AUTS2: variants seen among roughly 807,000 people sequenced by gnomAD.
The protein encoded by AUTS2 is autism susceptibility gene 2 protein.
In AUTS2, 17 loss-of-function variants were observed where a neutral mutation model predicts 112.4. The ratio of observed to expected loss-of-function variants is 0.15; its 90% CI spans 0.10 to 0.23. AUTS2 has a LOEUF of 0.23. Among genes scored for constraint, AUTS2 ranks in the 10% least tolerant of loss-of-function variants. The pLI is 1.00. For synonymous variants in AUTS2, 751 were observed against 702.7 expected, an observed-to-expected ratio of 1.07 and a Z score of -1.09; for missense variants, 1,510 against 1,701.6, an observed-to-expected ratio of 0.89 and a Z score of 1.98.
intron 1 of AUTS2, among the ~76,000 whole-genome samples, chr7:69,723,896 A>G (rs1423717011): frequency 6.6e-6 from 1 of 152,204 alleles, no homozygotes; most frequent in South Asian, 2.1e-4. Context: ...TGCAACAGAA[A>G]GTCAAGCCAA....
chr7:70,400,795 T>C (rs553169557), intron 4 of AUTS2, among the ~76,000 whole-genome samples: 1 of 152,266 alleles, frequency 6.6e-6, no homozygotes, highest in South Asian at 2.1e-4. Flanking sequence ...AAAAAATACA[T>C]ATACCTTGGG....
At chr7:70,449,652 A>T (rs577124486) in intron 5 of AUTS2, among the ~76,000 whole-genome samples, 4 of 152,334 alleles carry the variant, frequency 2.6e-5, no homozygotes, top group Non-Finnish European at 5.9e-5. Flanking sequence ...CAAAGTTGAC[A>T]CTTTATAGTG....
chr7:69,850,939 A>G (rs1435131621), intron 1 of AUTS2, among the ~76,000 whole-genome samples: 2 of 152,204 alleles, frequency 1.3e-5, no homozygotes, highest in South Asian at 4.1e-4. Flanking sequence ...ATAGGTCCTG[A>G]AGATTGGCTC....
intron 4 of AUTS2, among the ~76,000 whole-genome samples, chr7:70,226,299 TGCCTCA>T (rs1434192202): frequency 6.6e-6 from 1 of 151,850 alleles, no homozygotes; most frequent in African/African-American, 2.4e-5. Context: ...GCCATTCTCT[TGCCTCA>T]GCCTCAGCCT....
intron 2 of AUTS2, among the ~76,000 whole-genome samples, chr7:70,085,475 C>G (rs1803551403): frequency 6.6e-6 from 1 of 151,898 alleles, no homozygotes; most frequent in Non-Finnish European, 1.5e-5. Flanking sequence ...AGCAATTATC[C>G]CTGCCTCAGC....
chr7:70,508,141 G>A (rs1799042946), intron 5 of AUTS2, among the ~76,000 whole-genome samples: 1 of 150,380 alleles, frequency 6.6e-6, no homozygotes, highest in Admixed American at 6.6e-5. Context: ...CGGGCTACGG[G>A]GAGCAGAGGG....
At chr7:69,653,196 G>C (rs1795371230) in intron 1 of AUTS2, among the ~76,000 whole-genome samples, 1 of 152,106 alleles carries the variant, frequency 6.6e-6, no homozygotes, top group African/African-American at 2.4e-5. Flanking sequence ...TCCCACCTGG[G>C]CTCTGCCTGT....
At chr7:69,608,900 A>G (rs765426578) in intron 1 of AUTS2, among the ~76,000 whole-genome samples, 1 of 152,218 alleles carries the variant, frequency 6.6e-6, no homozygotes, top group Non-Finnish European at 1.5e-5. Context: ...TTGCTTGACA[A>G]TTACAGTTTT....
chr7:70,411,374 T>G (rs145269553), intron 4 of AUTS2, among the ~76,000 whole-genome samples: 196 of 152,234 alleles, frequency 1.3e-3, no homozygotes, highest in African/African-American at 4.4e-3. Context: ...AAAAAAATCC[T>G]AAAAGAGCAA....
intron 1 of AUTS2, among the ~76,000 whole-genome samples, chr7:69,614,370 T>TTCTTTCTTTTCTTTCTTTTC (rs1583942896): frequency 3.5e-5 from 1 of 28,508 alleles, no homozygotes; most frequent in Non-Finnish European, 9.2e-5. Context: ...CTTTCTTTTT[T>TTCTTTCTTTTCTTTCTTTTC]TAAGAGATGG....
At chr7:70,312,526 T>G (rs146378062) in intron 4 of AUTS2, among the ~76,000 whole-genome samples, 25 of 152,314 alleles carry the variant, frequency 1.6e-4, no homozygotes, top group African/African-American at 6.0e-4. Context: ...ACAAACCACT[T>G]AAGTATTTCT....
At chr7:69,715,694 A>C (rs747045397) in intron 1 of AUTS2, among the ~76,000 whole-genome samples, 2 of 152,242 alleles carry the variant, frequency 1.3e-5, no homozygotes, top group Non-Finnish European at 2.9e-5. Context: ...CATAGAACTC[A>C]GAGATGATAA....
rs533768624 is a variant in AUTS2, at chr7:70,426,605, A to C, written c.661-9147A>C. Among the ~76,000 whole-genome samples the C allele has an allele frequency of 5.3e-5, 8 of 152,336 alleles. No homozygotes were observed. The East Asian group carries it at 1.5e-3, about 29-fold the overall frequency. On this transcript the variant is annotated intron_variant, in intron 4 of 18. Coordinates refer to ENST00000342771, the MANE Select transcript of AUTS2 (RefSeq NM_015570.4). Reference sequence around the variant, plus strand: ...AGAAGTGAAAGAGAGCAGTTGATTAAATCATCATCAAGTCGGGCCTCAGAA... The same window carrying C: ...AGAAGTGAAAGAGAGCAGTTGATTACATCATCATCAAGTCGGGCCTCAGAA...
intron 2 of AUTS2, among the ~76,000 whole-genome samples, chr7:69,908,030 C>T (rs1403027862): frequency 6.6e-6 from 1 of 152,138 alleles, no homozygotes; most frequent in African/African-American, 2.4e-5. Context: ...GAATGACCTC[C>T]CTCTTGGAAG....
intron 1 of AUTS2, among the ~76,000 whole-genome samples, chr7:69,731,241 A>G (rs902727797): frequency 6.6e-6 from 1 of 152,190 alleles, no homozygotes; most frequent in Non-Finnish European, 1.5e-5. Context: ...GCAGTGAGCC[A>G]TGATCATGAC....
intron 2 of AUTS2, among the ~76,000 whole-genome samples, chr7:69,990,819 C>G (rs1437271328): frequency 6.6e-6 from 1 of 152,020 alleles, no homozygotes; most frequent in African/African-American, 2.4e-5. Flanking sequence ...GTTGAGCATC[C>G]CAAATATGAA....
Position 70,764,873 on chromosome 7 carries a change from C to A in AUTS2, c.1336C>A (p.Pro446Thr), listed in dbSNP as rs1202995616. 1.9e-6 allele frequency: 3 copies of A among 1,577,592 alleles called. No homozygotes were observed. Among genetic ancestry groups the A allele is most frequent in the African/African-American group, 2.9e-5 (2 of 68,786 alleles). ...PNHSPLHSFT[P>T]TLQPPAHSHH... ...CCACAGCCCCCTGCACAGCTTCACA[C>A]CCACCCTCCAGCCCCCCGCACACTC... Residue 446 changes from proline (P) to threonine (T), a missense_variant, in exon 8 of 19, where the codon CCC becomes ACC. Pro to Thr is a conservative substitution (Grantham distance 38). Coordinates refer to ENST00000342771, the MANE Select transcript of AUTS2 (RefSeq NM_015570.4).
At chr7:70,236,350 A>G (rs1489698830) in intron 4 of AUTS2, among the ~76,000 whole-genome samples, 1 of 152,188 alleles carries the variant, frequency 6.6e-6, no homozygotes, top group Admixed American at 6.5e-5. Context: ...TGATTCTTCT[A>G]GTGTGATGGC....
At chr7:69,833,341 A>G (rs1311406677) in intron 1 of AUTS2, among the ~76,000 whole-genome samples, 1 of 152,194 alleles carries the variant, frequency 6.6e-6, no homozygotes, top group Non-Finnish European at 1.5e-5. Context: ...CCTGATTATT[A>G]TATAATTATA....
Sources: allele counts gnomAD v4.1 joint callset (sites outside exome capture counted in the v4.1 genomes callset), GRCh38; gene constraint gnomAD v4.1.1; transcripts MANE v1.5; gene names NCBI Gene and HGNC (gene_info 2026-07-23, HGNC 2026-07-21).